The following PCSK6 variants were observed in gnomAD, a reference collection of about 807,000 sequenced individuals.
The protein encoded by PCSK6 is paired basic amino acid cleaving enzyme 4.
PCSK6 carries 85 observed loss-of-function variants against 123.3 expected under a neutral mutation model. The observed-to-expected ratio is 0.69, with a 90% confidence interval of 0.58 to 0.83. The LOEUF is 0.83. Ranked by LOEUF, PCSK6 falls within the 40% of genes least tolerant of loss-of-function variation. The probability of loss-of-function intolerance (pLI) is 0.00; values close to 1 mark genes in which losing one functional copy is unlikely to be tolerated. For missense variants in PCSK6, 1,191 were observed against 1,282.3 expected (o/e 0.93, Z 1.09); for synonymous variants, 508 against 516.0 (o/e 0.98, Z 0.21).
chr15:101,388,023 C>T (rs532510178), intron 9 of PCSK6, among the ~76,000 whole-genome samples: 155 of 152,332 alleles, frequency 1.0e-3, no homozygotes, highest in Non-Finnish European at 1.8e-3. Context: ...CTTTCACATG[C>T]CCACTGACCA....
intron 10 of PCSK6, chr15:101,384,090 T>C (rs886092709): frequency 2.0e-6 from 2 of 983,036 alleles, no homozygotes; most frequent in Non-Finnish European, 2.4e-6. Context: ...TGGCCAAAGT[T>C]ATAGAGTATA....
intron 1 of PCSK6, among the ~76,000 whole-genome samples, chr15:101,451,683 G>A (rs535218220): frequency 6.6e-6 from 1 of 152,240 alleles, no homozygotes; most frequent in Admixed American, 6.5e-5. Context: ...TTCAGGGCCG[G>A]CATCTGCCGA....
chr15:101,390,462 T>C lies in PCSK6; in HGVS notation c.1210-898A>G, dbSNP rs545115446. Reference sequence around the variant, plus strand: ...GGAAGATTATCCTGGATTATCTGAGTAGACCTGCTGCCACCACAGGGCCCT... The same window carrying C: ...GGAAGATTATCCTGGATTATCTGAGCAGACCTGCTGCCACCACAGGGCCCT... On this transcript the variant is annotated intron_variant, in intron 8 of 21. Coordinates refer to ENST00000611716, the MANE Select transcript of PCSK6 (RefSeq NM_002570.5). 2.2e-4 allele frequency among the ~76,000 whole-genome samples: 33 copies of C among 152,178 alleles called. 2 individuals carry two copies. The highest frequency in any genetic ancestry group is 7.7e-4 in the African/African-American group (32 of 41,502).
At chr15:101,444,422 C>T (rs1197232969) in intron 1 of PCSK6, among the ~76,000 whole-genome samples, 2 of 152,138 alleles carry the variant, frequency 1.3e-5, no homozygotes, top group African/African-American at 4.8e-5. Context: ...TAGTTGATCA[C>T]CATCCTCCAA....
At chr15:101,476,934 G>A (rs775420733) in intron 1 of PCSK6, among the ~76,000 whole-genome samples, 6 of 152,318 alleles carry the variant, frequency 3.9e-5, no homozygotes, top group South Asian at 2.1e-4. Context: ...TAGGTGGGAT[G>A]AGACGCCATA....
intron 1 of PCSK6, among the ~76,000 whole-genome samples, chr15:101,468,838 C>G (rs548327773): frequency 6.6e-6 from 1 of 152,222 alleles, no homozygotes; most frequent in East Asian, 1.9e-4. Flanking sequence ...CTAGTGATGA[C>G]AGCTCGTCTC....
Position 101,398,038 on chromosome 15 carries a change from G to A in PCSK6, c.996+366C>T, listed in dbSNP as rs1239701276. Among the ~76,000 whole-genome samples the A allele has an allele frequency of 6.6e-6, 1 of 152,202 alleles. No homozygotes were observed. The highest frequency in any genetic ancestry group is 1.9e-4 in the East Asian group (1 of 5,190). On this transcript the variant is annotated intron_variant, in intron 7 of 21. Transcript: ENST00000611716. This position sits in a 1 kb window ranked among gnomAD's most constrained non-coding sequence, Gnocchi z 4.6. ...GGGTGTTTCTAAGGGCAGGTGGGCC[G>A]AGGCCCCTGCAGAGTCCAAGTAACA... is the stretch of plus-strand genomic sequence containing the variant.
At chr15:101,410,964 C>T (rs145198550) in intron 6 of PCSK6, among the ~76,000 whole-genome samples, 10 of 152,302 alleles carry the variant, frequency 6.6e-5, no homozygotes, top group East Asian at 3.9e-4. Context: ...ACCATCTGCA[C>T]CACAGTGAAA....
intron 1 of PCSK6, among the ~76,000 whole-genome samples, chr15:101,461,812 C>T (rs1048552461): frequency 6.6e-6 from 1 of 152,154 alleles, no homozygotes; most frequent in Admixed American, 6.5e-5. Flanking sequence ...AAGAAGGAAG[C>T]TTTCTTAACC....
chr15:101,313,123 C>T, intron 20 of PCSK6: 3 of 1,437,898 alleles, frequency 2.1e-6, no homozygotes, highest in Non-Finnish European at 1.8e-6. Flanking sequence ...GGGGTGTGAG[C>T]ACCTTGCTAT....
chr15:101,393,487 C>G (rs2042298025), intron 7 of PCSK6, 63 bp from the exon 8 acceptor site: 5 of 1,322,334 alleles, frequency 3.8e-6, no homozygotes, highest in African/African-American at 1.5e-5. Flanking sequence ...GGGTCTCCCC[C>G]CGAACCTAGA....
At chr15:101,400,287 T>A (rs1318289081) in intron 6 of PCSK6, among the ~76,000 whole-genome samples, 1 of 152,212 alleles carries the variant, frequency 6.6e-6, no homozygotes, top group African/African-American at 2.4e-5. Flanking sequence ...CATTTCCCTG[T>A]GCCATTAAAG....
chr15:101,429,449 G>A (rs941073181), intron 5 of PCSK6, among the ~76,000 whole-genome samples: 1 of 152,042 alleles, frequency 6.6e-6, no homozygotes, highest in African/African-American at 2.4e-5. Context: ...GACATCACTG[G>A]CCTGGACGAG....
At position 101,430,014 on chromosome 15, in the gene PCSK6, G is replaced by A; in HGVS notation, c.707C>T (p.Pro236Leu). 2 of 1,613,850 alleles carry A rather than the reference G, an allele frequency of 1.2e-6. No homozygotes were observed. The highest frequency in any genetic ancestry group is 1.7e-6 in the Non-Finnish European group (2 of 1,179,746). Reference sequence around the variant, plus strand: ...ATTTTCATTGCTGGCATCATATCGTGGAGATGGGTCATAATCATTGCCGTT... The same window carrying A: ...ATTTTCATTGCTGGCATCATATCGTAGAGATGGGTCATAATCATTGCCGTT... The part of the protein sequence containing the change: ...DVNGNDYDPS[P>L]RYDASNENKH... The change falls in exon 5 of 22, where the codon CCA becomes CTA. Residue 236 changes from proline to leucine, a missense_variant. This residue lies in a region of PCSK6 where 357 missense variants were observed against 484.5 expected (regional missense o/e 0.74). Coordinates refer to ENST00000611716, the MANE Select transcript of PCSK6 (RefSeq NM_002570.5).
chr15:101,396,675 G>A (rs1350760859), intron 7 of PCSK6, among the ~76,000 whole-genome samples: 1 of 152,030 alleles, frequency 6.6e-6, no homozygotes, highest in African/African-American at 2.4e-5. Flanking sequence ...GGTCATACCC[G>A]AGTGTGCCAG....
intron 17 of PCSK6, 142 bp from the exon 18 acceptor site, chr15:101,322,749 A>T: frequency 1.6e-6 from 1 of 632,316 alleles, no homozygotes. Flanking sequence ...GTGGAAATAA[A>T]GCAGCCAGAG....
chr15:101,386,124 T>A (rs899291207), intron 9 of PCSK6, among the ~76,000 whole-genome samples: 1 of 152,012 alleles, frequency 6.6e-6, no homozygotes, highest in Non-Finnish European at 1.5e-5. Flanking sequence ...ACGCACACCG[T>A]GCTCTCGGTG....
intron 18 of PCSK6, among the ~76,000 whole-genome samples, chr15:101,321,273 C>G (rs947561099): frequency 2.0e-5 from 3 of 152,218 alleles, no homozygotes; most frequent in African/African-American, 7.2e-5. Flanking sequence ...CCTGCCTTGT[C>G]CAGCCAACAG....
At chr15:101,326,973 G>A (rs757559997) in intron 15 of PCSK6, among the ~76,000 whole-genome samples, 5 of 151,620 alleles carry the variant, frequency 3.3e-5, no homozygotes, top group Admixed American at 6.6e-5. Flanking sequence ...TAGCCCCCCC[G>A]CAACTCGCTG....
Sources: gnomAD v4.1 joint callset for allele counts (sites outside exome capture counted in the v4.1 genomes callset) on GRCh38, gnomAD v4.1.1 for gene constraint, gnomAD v4.1.1 regional missense constraint, Gnocchi (gnomAD v3.1) non-coding constraint, MANE v1.5 for transcripts, NCBI Gene and HGNC (gene_info 2026-07-23, HGNC 2026-07-21) for gene names.